The following NHSL1 variants were observed in gnomAD, a reference collection of about 807,000 sequenced individuals.
NHSL1 encodes NHS-like protein 1.
NHSL1 carries 48 observed loss-of-function variants against 95.0 expected under a neutral mutation model. That is an observed-to-expected ratio of 0.51 (90% CI 0.40 to 0.64). The LOEUF (loss-of-function observed/expected upper bound fraction) is 0.64, where lower values mean the gene tolerates loss of function less well. NHSL1 is among the 30% of genes least tolerant of loss of function. The probability of loss-of-function intolerance (pLI) is 0.00; values close to 1 mark genes in which losing one functional copy is unlikely to be tolerated. For synonymous variants in NHSL1, 783 were observed against 833.9 expected, an observed-to-expected ratio of 0.94 and a Z score of 1.05; for missense variants, 1,971 against 2,077.7, an observed-to-expected ratio of 0.95 and a Z score of 1.00.
intron 1 of NHSL1, among the ~76,000 whole-genome samples, chr6:138,605,892 G>A (rs940554317): frequency 1.3e-5 from 2 of 152,216 alleles, no homozygotes; most frequent in African/African-American, 4.8e-5. Context: ...GCGTGAGTAC[G>A]AGAGTCATAA....
chr6:138,430,911 G>C lies in NHSL1; in HGVS notation c.3434C>G (p.Ser1145Trp). The stretch of plus-strand genomic sequence containing the variant: ...CGCACTGCCATGGTCACCCTGACTC[G>C]AGCTCTTGGCAGGCGTCGGAAGCGA... ...TSSLPTPAKS[S>W]SQGDHGSAAE... The change falls in exon 6 of 8, where the codon TCG (serine) becomes TGG (tryptophan). Residue 1145 changes from serine (S) to tryptophan (W), a missense_variant. This residue lies in a region of NHSL1 where 1,602 missense variants were observed against 1,654.5 expected (regional missense o/e 0.97). Coordinates refer to ENST00000343505, the MANE Select transcript of NHSL1 (RefSeq NM_001144060.2). The surrounding 1 kb of genome is among the most constrained non-coding windows in gnomAD (Gnocchi z 4.7). 1.3e-6 allele frequency: 2 copies of C among 1,551,472 alleles called. No individual in the cohort carries two copies. The highest frequency in any genetic ancestry group is 1.7e-6 in the Non-Finnish European group (2 of 1,146,824).
chr6:138,574,286 A>G (rs1354156394), upstream of NHSL1, among the ~76,000 whole-genome samples: 2 of 152,324 alleles, frequency 1.3e-5, no homozygotes, highest in African/African-American at 4.8e-5. Flanking sequence ...AGTGGCTAAC[A>G]TCAAACATCC....
chr6:138,567,335 C>T (rs1195973380), intron 1 of NHSL1, among the ~76,000 whole-genome samples: 1 of 152,038 alleles, frequency 6.6e-6, no homozygotes, highest in Non-Finnish European at 1.5e-5. Context: ...CGTCGTGTTC[C>T]CCAGGCTGGT....
At chr6:138,467,253 C>T (rs1484305802) in intron 3 of NHSL1, among the ~76,000 whole-genome samples, 2 of 151,898 alleles carry the variant, frequency 1.3e-5, no homozygotes, top group Non-Finnish European at 2.9e-5. Flanking sequence ...CCCGGGTTCA[C>T]GCCATTCTCC....
intron 1 of NHSL1, among the ~76,000 whole-genome samples, chr6:138,585,421 A>C (rs1227473430): frequency 6.6e-6 from 1 of 152,252 alleles, no homozygotes; most frequent in Non-Finnish European, 1.5e-5. Context: ...AAAGGATGTG[A>C]GGCAAGGAAT....
chr6:138,434,630 T>C (rs1001799659), intron 5 of NHSL1, among the ~76,000 whole-genome samples: 2 of 151,824 alleles, frequency 1.3e-5, no homozygotes, highest in African/African-American at 4.8e-5. Flanking sequence ...TCTCTAAAAA[T>C]AGTAGTAAAA....
At position 138,633,636 on chromosome 6, in the gene NHSL1, C is replaced by T. The variant is rs147084825; in HGVS notation, c.96+58840G>A. ...GAAATTTGTCGTCCCCAGACAAAAG[C>T]TGACGGATTTCAATACCAGAACTAT... On this transcript the variant is annotated intron_variant, in intron 1 of 3. Coordinates refer to the NHSL1 transcript ENST00000491526. Among the ~76,000 whole-genome samples, 37 of 152,260 alleles carry T rather than the reference C, an allele frequency of 2.4e-4. No individual in the cohort carries two copies. In the East Asian group the frequency reaches 5.6e-3, roughly 23 times the overall value.
At chr6:138,536,948 C>T (rs1333470696) in intron 1 of NHSL1, among the ~76,000 whole-genome samples, 3 of 152,088 alleles carry the variant, frequency 2.0e-5, no homozygotes, top group African/African-American at 4.8e-5. Context: ...AGAAATACAA[C>T]GAGAAGAGAA....
chr6:138,512,387 A>G (rs1301503374), intron 1 of NHSL1: 2 of 446,788 alleles, frequency 4.5e-6, no homozygotes, highest in Non-Finnish European at 8.9e-6. Flanking sequence ...TTCCGGCACG[A>G]TGTCCCATGT....
At chr6:138,612,376 G>C (rs1442934611) in intron 1 of NHSL1, among the ~76,000 whole-genome samples, 1 of 152,076 alleles carries the variant, frequency 6.6e-6, no homozygotes, top group Non-Finnish European at 1.5e-5. Context: ...CAACAACTAA[G>C]TGCCCGGGGA....
At chr6:138,608,039 G>GT (rs1784458059) in intron 1 of NHSL1, among the ~76,000 whole-genome samples, 1 of 152,220 alleles carries the variant, frequency 6.6e-6, no homozygotes. Context: ...TCACTGTCTA[G>GT]CTGCAGGACC....
At chr6:138,667,533 T>A (rs1438908337) in intron 1 of NHSL1, among the ~76,000 whole-genome samples, 1 of 152,208 alleles carries the variant, frequency 6.6e-6, no homozygotes, top group African/African-American at 2.4e-5. Flanking sequence ...AAAGACTGAC[T>A]GGAAATGCAT....
chr6:138,458,998 GTTTGTT>G (rs774613878), intron 3 of NHSL1, among the ~76,000 whole-genome samples: 2 of 152,036 alleles, frequency 1.3e-5, no homozygotes, highest in Non-Finnish European at 2.9e-5. Flanking sequence ...GTGTTCTATA[GTTTGTT>G]TTTGTTTTTG....
At chr6:138,650,838 A>G (rs6936143) in intron 1 of NHSL1, 47,538 of 540,884 alleles carry the variant, frequency 0.088, 2,732 homozygotes, top group African/African-American at 0.2. Context: ...CATGCTACCC[A>G]GGTCACAGTG....
chr6:138,595,576 C>A (rs1318998696), intron 1 of NHSL1, among the ~76,000 whole-genome samples: 1 of 152,110 alleles, frequency 6.6e-6, no homozygotes, highest in Non-Finnish European at 1.5e-5. Flanking sequence ...CACCCTATCT[C>A]TTTTTTTAAA....
At chr6:138,676,228 CA>C (rs1185361322) in intron 1 of NHSL1, among the ~76,000 whole-genome samples, 8 of 151,870 alleles carry the variant, frequency 5.3e-5, no homozygotes, top group Admixed American at 2.0e-4. Flanking sequence ...ATCGTGATAT[CA>C]AAAAAAGATC....
At chr6:138,538,527 G>A (rs1385067662) in intron 1 of NHSL1, among the ~76,000 whole-genome samples, 1 of 152,102 alleles carries the variant, frequency 6.6e-6, no homozygotes, top group Non-Finnish European at 1.5e-5. Flanking sequence ...CCTTTCCTAA[G>A]AGACCACACA....
intron 1 of NHSL1, among the ~76,000 whole-genome samples, chr6:138,627,611 C>T (rs775609583): frequency 3.9e-5 from 6 of 152,132 alleles, no homozygotes; most frequent in African/African-American, 7.2e-5. Context: ...TGGCCAGTCG[C>T]GGTGGCTCAC....
intron 1 of NHSL1, among the ~76,000 whole-genome samples, chr6:138,652,906 T>C (rs1358688733): frequency 6.6e-6 from 1 of 152,254 alleles, no homozygotes; most frequent in East Asian, 1.9e-4. Context: ...GGTAATTTTC[T>C]AAGCAACATA....
Sources: gnomAD v4.1 joint callset for allele counts (sites outside exome capture counted in the v4.1 genomes callset) on GRCh38, gnomAD v4.1.1 for gene constraint, gnomAD v4.1.1 regional missense constraint, Gnocchi (gnomAD v3.1) non-coding constraint, MANE v1.5 for transcripts, NCBI Gene and HGNC (gene_info 2026-07-23, HGNC 2026-07-21) for gene names.